PALMD: variants seen among roughly 807,000 people sequenced by gnomAD.
PALMD encodes the protein palmdelphin.
A neutral mutation model predicts 56.2 loss-of-function variants in PALMD; 42 were observed. The observed-to-expected ratio is 0.75, with a 90% CI of 0.58 to 0.97. The LOEUF is 0.97. Among genes scored for constraint, PALMD ranks in the 50% least tolerant of loss-of-function variants. PALMD has a pLI of 0.00. For synonymous variants in PALMD, 242 were observed against 222.9 expected (o/e 1.09, Z -0.76); for missense variants, 660 against 643.8 (o/e 1.03, Z -0.27).
intron 2 of PALMD, among the ~76,000 whole-genome samples, chr1:99,664,404 A>C (rs2100860408): frequency 6.6e-6 from 1 of 152,312 alleles, no homozygotes; most frequent in Admixed American, 6.5e-5. Flanking sequence ...ATATTTATTA[A>C]GTACATATTA....
At chr1:99,657,744 C>T (rs956204316) in intron 1 of PALMD, among the ~76,000 whole-genome samples, 4 of 152,158 alleles carry the variant, frequency 2.6e-5, no homozygotes, top group Non-Finnish European at 5.9e-5. Flanking sequence ...CCTGCCACTC[C>T]CTATATGGTA....
intron 2 of PALMD, among the ~76,000 whole-genome samples, chr1:99,666,559 G>A (rs190206775): frequency 2.6e-5 from 4 of 151,788 alleles, no homozygotes; most frequent in Non-Finnish European, 5.9e-5. Flanking sequence ...TTCAATATAA[G>A]AGAAAGAAGT....
chr1:99,671,334 T>A (rs1250199406), intron 3 of PALMD, among the ~76,000 whole-genome samples: 1 of 152,186 alleles, frequency 6.6e-6, no homozygotes, highest in Non-Finnish European at 1.5e-5. Context: ...GGCATTCAAA[T>A]CCCTCTTCTG....
intron 3 of PALMD, among the ~76,000 whole-genome samples, chr1:99,682,642 C>T (rs943076757): frequency 6.6e-6 from 1 of 151,996 alleles, no homozygotes; most frequent in Non-Finnish European, 1.5e-5. Context: ...TCAAAATTCC[C>T]TAAGGTGTCA....
chr1:99,689,806 C>G lies in PALMD; in HGVS notation c.1546C>G (p.Pro516Ala). ...LKEQEESLGS[P>A]VHHSPFDAQT... ...AGAGCAAGAAGAAAGCTTAGGCAGC[C>G]CTGTCCACCATTCCCCATTTGATGC... Residue 516 changes from proline to alanine, a missense_variant, in exon 7 of 8, where the codon CCT becomes GCT. Physicochemically the swap from Pro to Ala is conservative, Grantham distance 27. Coordinates refer to ENST00000263174, the MANE Select transcript of PALMD (RefSeq NM_017734.5). 6.2e-7 allele frequency: 1 copy of G among 1,613,422 alleles called. No individual in the cohort carries two copies. The highest frequency in any genetic ancestry group is 8.5e-7 in the Non-Finnish European group (1 of 1,179,740).
chr1:99,672,181 C>T (rs1192280110), intron 3 of PALMD, among the ~76,000 whole-genome samples: 1 of 152,164 alleles, frequency 6.6e-6, no homozygotes, highest in Non-Finnish European at 1.5e-5. Context: ...GGCAACATTT[C>T]AGAAAATAAG....
At position 99,646,369 on chromosome 1, in the gene PALMD, C is replaced by G; in HGVS notation, c.45+7C>G. ...AAGACTCCAGGCCATCACAGTAAGT[C>G]TGCATACAGTTATAACTCATTAACG... On this transcript the variant is annotated splice_region_variant and intron_variant, in intron 1 of 7. Transcript: ENST00000263174. 6.2e-7 allele frequency: 1 copy of G among 1,606,860 alleles called. No individual in the cohort carries two copies. The highest frequency in any genetic ancestry group is 8.5e-7 in the Non-Finnish European group (1 of 1,173,320).
chr1:99,654,962 A>G (rs2100854941), intron 1 of PALMD, among the ~76,000 whole-genome samples: 1 of 152,280 alleles, frequency 6.6e-6, no homozygotes, highest in Non-Finnish European at 1.5e-5. Flanking sequence ...TAATCAATAC[A>G]TTTTTTATAA....
chr1:99,677,211 A>G (rs1413277060), intron 3 of PALMD, among the ~76,000 whole-genome samples: 1 of 152,152 alleles, frequency 6.6e-6, no homozygotes, highest in Non-Finnish European at 1.5e-5. Context: ...TAACAACCTG[A>G]AATGCAAGAT....
intron 6 of PALMD, among the ~76,000 whole-genome samples, chr1:99,687,866 C>T (rs1416239): frequency 0.49 from 75,117 of 151,828 alleles, 19,315 homozygotes; most frequent in Non-Finnish European, 0.58. Flanking sequence ...AGGGGTGTTG[C>T]AGTTTTTCTT....
intron 1 of PALMD, among the ~76,000 whole-genome samples, chr1:99,646,753 A>T (rs184741022): frequency 1.3e-5 from 2 of 152,370 alleles, no homozygotes; most frequent in East Asian, 3.9e-4. Context: ...TGAATGCCTC[A>T]AAAAGTTAGA....
chr1:99,671,909 G>C (rs1348323169), intron 3 of PALMD, among the ~76,000 whole-genome samples: 6 of 152,082 alleles, frequency 3.9e-5, no homozygotes, highest in Non-Finnish European at 7.4e-5. Flanking sequence ...CTAATTAAAA[G>C]TCCTAATCAT....
Position 99,672,855 on chromosome 1 carries a change from G to A in PALMD, c.251+5089G>A, listed in dbSNP as rs535149555. Among the ~76,000 whole-genome samples, 108 of 152,204 alleles carry A rather than the reference G, an allele frequency of 7.1e-4. 1 individual carries two copies. In the South Asian group the frequency reaches 0.022, roughly 31 times the overall value. On this transcript the variant is annotated intron_variant, in intron 3 of 7. Coordinates refer to ENST00000263174, the MANE Select transcript of PALMD (RefSeq NM_017734.5). Reference sequence around the variant, plus strand: ...CTTATGATTAAATGTTCTCTAGCACGGATTTTTTTTTTAATACTCCAAAGT... The same window carrying A: ...CTTATGATTAAATGTTCTCTAGCACAGATTTTTTTTTTAATACTCCAAAGT...
At chr1:99,681,605 G>A (rs577722104) in intron 3 of PALMD, among the ~76,000 whole-genome samples, 1 of 152,170 alleles carries the variant, frequency 6.6e-6, no homozygotes, top group African/African-American at 2.4e-5. Context: ...TACCTATCAA[G>A]AACTTACACT....
intron 3 of PALMD, among the ~76,000 whole-genome samples, chr1:99,677,975 A>G (rs1252148664): frequency 1.3e-5 from 2 of 152,162 alleles, no homozygotes; most frequent in Non-Finnish European, 2.9e-5. Flanking sequence ...CTGAATCTAT[A>G]TTAGTACCAT....
Position 99,646,251 on chromosome 1 carries a change from C to G in PALMD, c.-67C>G, listed in dbSNP as rs1557665042. ...TTCTGTCACCCCCGCTCCTCTCCCC[C>G]AGGAGGCTCCTTGATTTATGGTAGC... is the stretch of plus-strand genomic sequence containing the variant. On this transcript the variant is annotated 5_prime_UTR_variant, in exon 1 of 8. Coordinates refer to ENST00000263174, the MANE Select transcript of PALMD (RefSeq NM_017734.5). 4 of 1,287,804 alleles carry G rather than the reference C, an allele frequency of 3.1e-6. No homozygotes were observed. The highest frequency in any genetic ancestry group is 3.4e-6 in the Non-Finnish European group (3 of 882,736). 79.8% of individuals were successfully genotyped at this position (1,287,804 alleles called of 1,614,324 possible). A position where few individuals can be genotyped will look rare whatever the true frequency, so the allele number is the denominator to read the frequency against.
At chr1:99,687,029 T>C in intron 5 of PALMD, 47 bp from the exon 6 acceptor site, 1 of 1,515,598 alleles carries the variant, frequency 6.6e-7, no homozygotes, top group Non-Finnish European at 9.1e-7. Context: ...ATTGTTCCCA[T>C]TGTAAATATA....
At chr1:99,687,245 C>A in intron 6 of PALMD, 56 bp downstream of exon 6, 1 of 1,519,972 alleles carries the variant, frequency 6.6e-7, no homozygotes, top group South Asian at 1.3e-5. Context: ...TTTACAGTGT[C>A]AAATATTCAC....
intron 3 of PALMD, 23 bp downstream of exon 3, chr1:99,667,789 C>A: frequency 6.2e-7 from 1 of 1,602,292 alleles, no homozygotes; most frequent in South Asian, 1.1e-5. Context: ...CTGAGATACT[C>A]CACAACTACC....
Sources: allele counts gnomAD v4.1 joint callset (sites outside exome capture counted in the v4.1 genomes callset), GRCh38; gene constraint gnomAD v4.1.1; transcripts MANE v1.5; gene names NCBI Gene and HGNC (gene_info 2026-07-23, HGNC 2026-07-21).